Variants in PDGFD observed in about 807,000 individuals in gnomAD.
PDGFD encodes the protein platelet-derived growth factor D.
PDGFD carries 30 observed loss-of-function variants against 44.7 expected under a neutral mutation model. That is an observed-to-expected ratio of 0.67 (90% CI 0.50 to 0.91). The LOEUF (loss-of-function observed/expected upper bound fraction) is 0.91, where lower values mean the gene tolerates loss of function less well. Among genes scored for constraint, PDGFD ranks in the 40% least tolerant of loss-of-function variants. The pLI is 0.00. For missense variants in PDGFD, 445 were observed against 457.8 expected (o/e 0.97, Z 0.25); for synonymous variants, 173 against 168.4 (o/e 1.03, Z -0.21).
At chr11:104,096,971 TCTCA>T (rs1861298294) in intron 1 of PDGFD, among the ~76,000 whole-genome samples, 3 of 152,312 alleles carry the variant, frequency 2.0e-5, no homozygotes, top group Middle Eastern at 3.4e-3. Flanking sequence ...TTACCTCTTA[TCTCA>T]ACACAGCTTT....
intron 1 of PDGFD, among the ~76,000 whole-genome samples, chr11:104,077,424 T>C (rs1860975154): frequency 6.6e-6 from 1 of 152,160 alleles, no homozygotes; most frequent in Admixed American, 6.5e-5. Context: ...GGACATTGGC[T>C]TGGGCAACTG....
intron 3 of PDGFD, among the ~76,000 whole-genome samples, chr11:103,971,765 G>A (rs996885832): frequency 4.6e-5 from 7 of 152,130 alleles, no homozygotes; most frequent in African/African-American, 1.2e-4. Flanking sequence ...CTGTAAAGCC[G>A]TTTCTTATTT....
At chr11:103,995,834 T>C (rs867080912) in intron 3 of PDGFD, among the ~76,000 whole-genome samples, 1 of 152,232 alleles carries the variant, frequency 6.6e-6, no homozygotes, top group Non-Finnish European at 1.5e-5. Flanking sequence ...CCTTTTTCTA[T>C]GTACTATGAT....
At chr11:103,947,510 T>C (rs1022830173) in intron 4 of PDGFD, 152 bp downstream of exon 4, 67 of 645,048 alleles carry the variant, frequency 1.0e-4, no homozygotes, top group African/African-American at 9.6e-4. Context: ...ACATAATCCA[T>C]TGTAACCTGA....
chr11:103,975,800 G>A lies in PDGFD; in HGVS notation c.510+20265C>T, dbSNP rs137961961. Reference sequence around the variant, plus strand: ...TGTCAGGTTTGTCGAAGATCAGATTGTTGTAGAGGTGTGGTGTTTTTTCTG... The same window carrying A: ...TGTCAGGTTTGTCGAAGATCAGATTATTGTAGAGGTGTGGTGTTTTTTCTG... On this transcript the variant is annotated intron_variant, in intron 3 of 6. Coordinates refer to ENST00000393158, the MANE Select transcript of PDGFD (RefSeq NM_025208.5). 5.5e-3 allele frequency among the ~76,000 whole-genome samples: 832 copies of A among 152,228 alleles called. 4 individuals are homozygous for A. The highest frequency in any genetic ancestry group is 0.018 in the African/African-American group (743 of 41,544).
intron 1 of PDGFD, among the ~76,000 whole-genome samples, chr11:104,159,153 CAAAAAAA>C (rs765727400): frequency 4.5e-5 from 3 of 66,562 alleles, no homozygotes; most frequent in Admixed American, 1.8e-4. Context: ...GACTCCATCT[CAAAAAAA>C]AAAAAAAAAA....
chr11:104,140,114 G>A (rs978205572), intron 1 of PDGFD, among the ~76,000 whole-genome samples: 3 of 152,034 alleles, frequency 2.0e-5, no homozygotes, highest in Non-Finnish European at 2.9e-5. Context: ...CTGTCTGAAC[G>A]AGAAAAACCA....
At chr11:104,037,366 G>C in intron 1 of PDGFD, 1 of 1,614,154 alleles carries the variant, frequency 6.2e-7, no homozygotes, top group South Asian at 1.1e-5. Flanking sequence ...CTTTTCTCAG[G>C]TGCTGATGGA....
intron 1 of PDGFD, among the ~76,000 whole-genome samples, chr11:104,100,404 AC>A (rs1385261012): frequency 6.6e-6 from 1 of 152,192 alleles, no homozygotes; most frequent in Non-Finnish European, 1.5e-5. Context: ...CCCTCCCAAG[AC>A]TAAACCAGGA....
intron 1 of PDGFD, among the ~76,000 whole-genome samples, chr11:104,000,676 A>T (rs12146566): frequency 1.3e-5 from 2 of 151,896 alleles, no homozygotes; most frequent in Non-Finnish European, 2.9e-5. Context: ...GTACTTTGGG[A>T]GTTCTCTTAA....
intron 1 of PDGFD, among the ~76,000 whole-genome samples, chr11:104,075,534 C>T (rs1284499873): frequency 6.6e-6 from 1 of 152,024 alleles, no homozygotes; most frequent in Non-Finnish European, 1.5e-5. Context: ...TGCTCGGTCA[C>T]CCAGACTGGA....
intron 1 of PDGFD, among the ~76,000 whole-genome samples, chr11:104,123,048 T>G (rs763987905): frequency 2.6e-5 from 4 of 152,070 alleles, no homozygotes; most frequent in Non-Finnish European, 5.9e-5. Context: ...GGAGTTTGTT[T>G]TTCCTCTCCT....
chr11:104,102,730 G>A (rs535030067), intron 1 of PDGFD, among the ~76,000 whole-genome samples: 85 of 152,186 alleles, frequency 5.6e-4, no homozygotes, highest in South Asian at 1.5e-3. Context: ...CATATACGCC[G>A]TGGAATACTA....
intron 3 of PDGFD, among the ~76,000 whole-genome samples, chr11:103,964,741 C>A (rs542424340): frequency 6.6e-6 from 1 of 151,990 alleles, no homozygotes; most frequent in East Asian, 1.9e-4. Context: ...CAGGTGAGGT[C>A]CACACAGAAG....
At chr11:103,923,094 C>T (rs1350915160) in intron 6 of PDGFD, among the ~76,000 whole-genome samples, 2 of 152,150 alleles carry the variant, frequency 1.3e-5, no homozygotes, top group African/African-American at 4.8e-5. Context: ...TCACGTAAAA[C>T]ATATTCAATA....
At chr11:104,059,108 C>T (rs1860668367) in intron 1 of PDGFD, among the ~76,000 whole-genome samples, 1 of 152,084 alleles carries the variant, frequency 6.6e-6, no homozygotes, top group African/African-American at 2.4e-5. Flanking sequence ...ACCTGTACAA[C>T]TGAAAATGGT....
intron 6 of PDGFD, 91 bp downstream of exon 6, chr11:103,926,821 A>G: frequency 7.5e-7 from 1 of 1,335,634 alleles, no homozygotes; most frequent in Non-Finnish European, 1.0e-6. Flanking sequence ...GCCCTTGTGC[A>G]GTGAACAACC....
chr11:104,047,548 C>T (rs2029304), intron 1 of PDGFD, among the ~76,000 whole-genome samples: 74,150 of 145,832 alleles, frequency 0.51, 23,044 homozygotes, highest in Admixed American at 0.64. Flanking sequence ...TTTTAATAAG[C>T]GTCTGTTCAT....
At chr11:104,029,221 T>C (rs1248239097) in intron 1 of PDGFD, among the ~76,000 whole-genome samples, 2 of 152,230 alleles carry the variant, frequency 1.3e-5, no homozygotes, top group Non-Finnish European at 2.9e-5. Flanking sequence ...ATGGACTAGA[T>C]ACCATTGGGA....
Sources: allele counts gnomAD v4.1 joint callset (sites outside exome capture counted in the v4.1 genomes callset), GRCh38; gene constraint gnomAD v4.1.1; transcripts MANE v1.5; gene names NCBI Gene and HGNC (gene_info 2026-07-23, HGNC 2026-07-21).